Variants in SLC44A1 observed in about 807,000 individuals in gnomAD.
The protein encoded by SLC44A1 is choline transporter-like protein 1.
Under a neutral mutation model 79.3 loss-of-function variants are expected in SLC44A1, and 26 were observed. The ratio of observed to expected loss-of-function variants is 0.33; its 90% CI spans 0.24 to 0.46. The LOEUF is 0.46. SLC44A1 is among the 20% of genes least tolerant of loss of function. The probability of loss-of-function intolerance (pLI) is 1.00; values close to 1 mark genes in which losing one functional copy is unlikely to be tolerated. For synonymous variants in SLC44A1, 263 were observed against 286.2 expected, an observed-to-expected ratio of 0.92 and a Z score of 0.82; for missense variants, 688 against 798.1, an observed-to-expected ratio of 0.86 and a Z score of 1.66.
At chr9:105,254,179 G>A (rs1346617032) in intron 1 of SLC44A1, among the ~76,000 whole-genome samples, 1 of 152,220 alleles carries the variant, frequency 6.6e-6, no homozygotes, top group Admixed American at 6.5e-5. Flanking sequence ...TGTCAGCAAG[G>A]ACGTAAGTTC....
chr9:105,362,070 G>A (rs571054249), intron 8 of SLC44A1, among the ~76,000 whole-genome samples: 31 of 152,010 alleles, frequency 2.0e-4, no homozygotes, highest in African/African-American at 4.8e-4. Context: ...GTGCGCGCGC[G>A]CGCGTGTGTG....
intron 3 of SLC44A1, among the ~76,000 whole-genome samples, chr9:105,328,469 A>G (rs142566873): frequency 1.8e-4 from 28 of 152,312 alleles, no homozygotes; most frequent in African/African-American, 6.5e-4. Context: ...TAGGCAGTGC[A>G]GCAGCCCCAC....
At position 105,396,132 on chromosome 9, in the gene SLC44A1, T is replaced by C. The variant is rs933702240; in HGVS notation, c.*7076T>C. ...TTAACTTTTCTTCTGCTGTGTTGCC[T>C]TAATGCTACTAGATTGTGTTGTGTT... is the stretch of plus-strand genomic sequence containing the variant. On this transcript the variant is annotated 3_prime_UTR_variant, in exon 16 of 16. Coordinates refer to ENST00000374720, the MANE Select transcript of SLC44A1 (RefSeq NM_080546.5). 2.0e-5 allele frequency: 20 copies of C among 985,294 alleles called. No individual in the cohort carries two copies. The highest frequency in any genetic ancestry group is 2.2e-5 in the Non-Finnish European group (18 of 829,944). 61.0% of individuals were successfully genotyped at this position (985,294 alleles called of 1,614,324 possible).
At chr9:105,358,084 G>A (rs1444374017) in intron 6 of SLC44A1, among the ~76,000 whole-genome samples, 1 of 152,170 alleles carries the variant, frequency 6.6e-6, no homozygotes, top group Non-Finnish European at 1.5e-5. Context: ...CTGTTTTTGA[G>A]TCACCATGTG....
At chr9:105,302,457 A>C (rs1830904476) in intron 2 of SLC44A1, among the ~76,000 whole-genome samples, 1 of 151,570 alleles carries the variant, frequency 6.6e-6, no homozygotes, top group Non-Finnish European at 1.5e-5. Context: ...GGTTCAAGCA[A>C]TTTTCCTGCC....
chr9:105,362,073 CGTGT>C (rs146638340), intron 8 of SLC44A1, among the ~76,000 whole-genome samples: 23 of 149,930 alleles, frequency 1.5e-4, no homozygotes, highest in African/African-American at 2.7e-4. Flanking sequence ...CGCGCGCGCG[CGTGT>C]GTGTGTGTGT....
At chr9:105,377,976 G>C (rs1473052863) in intron 13 of SLC44A1, among the ~76,000 whole-genome samples, 1 of 152,120 alleles carries the variant, frequency 6.6e-6, no homozygotes, top group Non-Finnish European at 1.5e-5. Context: ...GGCCGGGCAC[G>C]GTGGCTCACG....
intron 15 of SLC44A1, chr9:105,385,777 G>T: frequency 3.0e-6 from 3 of 985,360 alleles, no homozygotes; most frequent in Non-Finnish European, 3.6e-6. Context: ...TTTCCCTAAG[G>T]TAAAACTGCT....
At chr9:105,305,613 A>T (rs996896083) in intron 2 of SLC44A1, among the ~76,000 whole-genome samples, 1 of 152,068 alleles carries the variant, frequency 6.6e-6, no homozygotes, top group East Asian at 1.9e-4. Context: ...GAGAGTCAAT[A>T]TATGTTTTCA....
At chr9:105,351,640 A>AAG (rs1362981133) in intron 5 of SLC44A1, among the ~76,000 whole-genome samples, 1 of 132,274 alleles carries the variant, frequency 7.6e-6, no homozygotes, top group African/African-American at 2.9e-5. Flanking sequence ...AAGAGAAAGA[A>AAG]AGAAAGAAAG....
chr9:105,385,579 G>A (rs1401164169), intron 15 of SLC44A1, 77 bp downstream of exon 15: 69 of 1,538,662 alleles, frequency 4.5e-5, no homozygotes, highest in Non-Finnish European at 5.8e-5. Context: ...TTCACTGACT[G>A]CACTTCTTCA....
At position 105,305,075 on chromosome 9, in the gene SLC44A1, A is replaced by G. The variant is rs185445603; in HGVS notation, c.127-4649A>G. Among the ~76,000 whole-genome samples, 8 of 142,122 alleles carry G rather than the reference A, an allele frequency of 5.6e-5. No individual in the cohort carries two copies. In the East Asian group the frequency reaches 1.0e-3, roughly 19 times the overall value. The allele number at this position is 142,122 out of a possible 152,430, so 93.2% of individuals were successfully genotyped here. A position where few individuals can be genotyped will look rare whatever the true frequency, so the allele number is the denominator to read the frequency against. Reference sequence around the variant, plus strand: ...AGTCTTGAACTCCTGGGTTCAAGCAATCCTCCTGCTTCAGCCTCCTGAGTA... The same window carrying G: ...AGTCTTGAACTCCTGGGTTCAAGCAGTCCTCCTGCTTCAGCCTCCTGAGTA... On this transcript the variant is annotated intron_variant, in intron 2 of 15. Transcript: ENST00000374720.
intron 3 of SLC44A1, among the ~76,000 whole-genome samples, chr9:105,331,005 C>T (rs1826732876): frequency 6.6e-6 from 1 of 152,196 alleles, no homozygotes; most frequent in South Asian, 2.1e-4. Flanking sequence ...CCAATGCCTG[C>T]AGGTGTCTAG....
chr9:105,261,505 TGA>T (rs1829838025), intron 1 of SLC44A1, among the ~76,000 whole-genome samples: 1 of 152,150 alleles, frequency 6.6e-6, no homozygotes, highest in African/African-American at 2.4e-5. Flanking sequence ...ATTGCAGCAA[TGA>T]GGAAACTCAG....
At chr9:105,298,718 C>CT (rs1412778589) in intron 1 of SLC44A1, among the ~76,000 whole-genome samples, 5 of 151,516 alleles carry the variant, frequency 3.3e-5, no homozygotes, top group Non-Finnish European at 7.4e-5. Context: ...CACATTCTAA[C>CT]TTTTTTTTTA....
chr9:105,377,441 TA>T (rs762996643), intron 13 of SLC44A1, among the ~76,000 whole-genome samples: 1 of 151,952 alleles, frequency 6.6e-6, no homozygotes, highest in Non-Finnish European at 1.5e-5. Flanking sequence ...GAGTATGCAT[TA>T]TTTTTTTAAT....
intron 15 of SLC44A1, among the ~76,000 whole-genome samples, chr9:105,433,904 G>A (rs2131527915): frequency 6.6e-6 from 1 of 152,238 alleles, no homozygotes; most frequent in South Asian, 2.1e-4. Flanking sequence ...GACCCTTGGG[G>A]AAAGTCTCTA....
intron 1 of SLC44A1, among the ~76,000 whole-genome samples, chr9:105,265,392 T>C (rs1274669754): frequency 6.6e-6 from 1 of 152,246 alleles, no homozygotes; most frequent in Non-Finnish European, 1.5e-5. Context: ...TCATACAGTA[T>C]TGTAAACCTT....
At chr9:105,348,578 A>T in intron 5 of SLC44A1, 127 bp downstream of exon 5, 1 of 563,778 alleles carries the variant, frequency 1.8e-6, no homozygotes, top group African/African-American at 2.0e-5. Context: ...TTTTATTAAA[A>T]AAATTTTAAA....
Sources: allele counts gnomAD v4.1 joint callset (sites outside exome capture counted in the v4.1 genomes callset), GRCh38; gene constraint gnomAD v4.1.1; transcripts MANE v1.5; gene names NCBI Gene and HGNC (gene_info 2026-07-23, HGNC 2026-07-21).